SANBR: variants seen among roughly 807,000 people sequenced by gnomAD.
SANBR encodes the protein SANT and BTB domain regulator of class switch recombination.
Under a neutral mutation model 101.8 loss-of-function variants are expected in SANBR, and 77 were observed. That is an observed-to-expected ratio of 0.76 (90% CI 0.63 to 0.91). SANBR has a LOEUF of 0.91. Ranked by LOEUF, SANBR falls within the 40% of genes least tolerant of loss-of-function variation. The pLI is 0.00. For synonymous variants in SANBR, 279 were observed against 274.7 expected (o/e 1.02, Z -0.15); for missense variants, 875 against 853.0 (o/e 1.03, Z -0.32).
chr2:61,118,565 G>GTTT (rs1684190325), intron 20 of SANBR, among the ~76,000 whole-genome samples: 1 of 125,226 alleles, frequency 8.0e-6, no homozygotes, highest in Non-Finnish European at 1.7e-5. Flanking sequence ...GTTTTTTGTT[G>GTTT]GTTTTTTTTT....
chr2:61,072,358 G>C (rs1681518225), intron 4 of SANBR, among the ~76,000 whole-genome samples: 1 of 152,038 alleles, frequency 6.6e-6, no homozygotes, highest in African/African-American at 2.4e-5. Context: ...GATCACTTGA[G>C]GCCAGGAGTT....
chr2:61,129,121 G>T (rs189209458), downstream of SANBR, among the ~76,000 whole-genome samples: 4 of 152,244 alleles, frequency 2.6e-5, no homozygotes, highest in East Asian at 7.7e-4. Flanking sequence ...ATTGCTAGCA[G>T]ACCCACCTTA....
chr2:61,133,499 T>A (rs1377544689), intron 20 of SANBR, among the ~76,000 whole-genome samples: 1 of 152,084 alleles, frequency 6.6e-6, no homozygotes, highest in African/African-American at 2.4e-5. Flanking sequence ...ATGCCTGTAA[T>A]CCCAGCACTT....
chr2:61,109,895 C>T (rs934012062), intron 16 of SANBR, among the ~76,000 whole-genome samples: 7 of 151,832 alleles, frequency 4.6e-5, no homozygotes, highest in Non-Finnish European at 1.0e-4. Flanking sequence ...TCAGATGATC[C>T]ACCTGCCTCG....
At chr2:61,068,039 T>A (rs998099693) in intron 1 of SANBR, among the ~76,000 whole-genome samples, 1 of 152,212 alleles carries the variant, frequency 6.6e-6, no homozygotes, top group Non-Finnish European at 1.5e-5. Flanking sequence ...TTCTCGTTAA[T>A]TCAGTAAACA....
intron 1 of SANBR, among the ~76,000 whole-genome samples, chr2:61,067,976 G>C (rs1681267870): frequency 6.6e-6 from 1 of 152,206 alleles, no homozygotes; most frequent in African/African-American, 2.4e-5. Flanking sequence ...TGGACCTGCA[G>C]TTTGGAGTGA....
Position 61,083,333 on chromosome 2 carries a change from T to C in SANBR, c.890+19T>C. The C allele has an allele frequency of 7.2e-7, 1 of 1,393,040 alleles. No homozygotes were observed. Among genetic ancestry groups the C allele is most frequent in the East Asian group, 2.4e-5 (1 of 42,156 alleles). The allele number at this position is 1,393,040 out of a possible 1,614,324, so 86.3% of individuals were successfully genotyped here. ...TTAAAAGGTAATTTCAAAAGTTTAA[T>C]TTTAAACCTAATACTCCTGTTAAAA... On this transcript the variant is annotated intron_variant, in intron 8 of 21. Transcript: ENST00000402291.
intron 16 of SANBR, among the ~76,000 whole-genome samples, chr2:61,112,187 A>G (rs1391431869): frequency 6.6e-6 from 1 of 152,206 alleles, no homozygotes; most frequent in Non-Finnish European, 1.5e-5. Context: ...ACCACTGTGC[A>G]TTCCCACCAG....
rs751938430 is a variant in SANBR, at chr2:61,134,129, T to G, written c.2029-8T>G. ...CATAGGGTAGTGTTATTATCTGCTTTTTTACAGACAGACAAACTGAGACCC... is the reference window on the plus strand; with the variant it reads ...CATAGGGTAGTGTTATTATCTGCTTGTTTACAGACAGACAAACTGAGACCC... On this transcript the variant is annotated splice_region_variant and splice_polypyrimidine_tract_variant and intron_variant, in intron 20 of 21. Coordinates refer to the SANBR transcript ENST00000295031. 1.5e-5 allele frequency: 25 copies of G among 1,613,940 alleles called. No individual in the cohort carries two copies. In the Admixed American group the frequency reaches 4.2e-4, roughly 27 times the overall value.
chr2:61,079,236 T>C (rs1681957551), intron 6 of SANBR, among the ~76,000 whole-genome samples: 1 of 152,110 alleles, frequency 6.6e-6, no homozygotes, highest in Non-Finnish European at 1.5e-5. Context: ...AAAGGGGTCC[T>C]GAGATCAAAA....
At chr2:61,090,909 CTTTTT>C (rs747161495) in intron 10 of SANBR, among the ~76,000 whole-genome samples, 3 of 139,252 alleles carry the variant, frequency 2.2e-5, no homozygotes. Context: ...TTTAAAATTC[CTTTTT>C]TTTTTTTTTT....
At chr2:61,094,214 C>T (rs923018295) in intron 11 of SANBR, 3 of 239,184 alleles carry the variant, frequency 1.3e-5, no homozygotes, top group African/African-American at 7.0e-5. Flanking sequence ...TAACTACCTC[C>T]GCAATCAAAG....
intron 8 of SANBR, among the ~76,000 whole-genome samples, chr2:61,087,552 T>A (rs1002913603): frequency 2.0e-5 from 3 of 151,700 alleles, no homozygotes; most frequent in African/African-American, 7.3e-5. Flanking sequence ...AGACCCTGTC[T>A]CTAAAAAAAT....
At position 61,077,077 on chromosome 2, in the gene SANBR, G is replaced by A. The variant is rs753032037; in HGVS notation, c.589G>A (p.Asp197Asn). The change falls in exon 6 of 22, where the codon GAC becomes AAC. Residue 197 changes from aspartate to asparagine, a missense_variant. By Grantham distance (23) the Asp-to-Asn change is conservative. Coordinates refer to ENST00000402291, the MANE Select transcript of SANBR (RefSeq NM_001129993.3). ...WEEVDISVHC[D>N]VHIFNWLIKY... ...AGAGGTGGACATTTCAGTTCATTGC[G>A]ACGTTCACATTTTCAACTGGTTGAT... 18 of 1,613,966 alleles carry A rather than the reference G, an allele frequency of 1.1e-5. No homozygotes were observed. Among genetic ancestry groups the A allele is most frequent in the South Asian group, 8.8e-5 (8 of 91,080 alleles).
At chr2:61,075,518 C>G (rs1384279678) in intron 5 of SANBR, among the ~76,000 whole-genome samples, 1 of 152,204 alleles carries the variant, frequency 6.6e-6, no homozygotes, top group Non-Finnish European at 1.5e-5. Flanking sequence ...CTTGGCCTCC[C>G]AAAGTGCTGG....
rs774214431 is a variant in SANBR, at chr2:61,103,963, T to C, written c.1476T>C (p.Asp492=). 6.2e-7 allele frequency: 1 copy of C among 1,614,168 alleles called. No individual in the cohort carries two copies. Among genetic ancestry groups the C allele is most frequent in the Non-Finnish European group, 8.5e-7 (1 of 1,179,986 alleles). ...RMLDDLHKYR[D]VIVVPFSKDT... Reference sequence around the variant, plus strand: ...TGGACGATTTGCACAAGTACAGAGATGTCATTGTTGTGCCTTTTTCAAAAG... The same window carrying C: ...TGGACGATTTGCACAAGTACAGAGACGTCATTGTTGTGCCTTTTTCAAAAG... The change falls in exon 13 of 22, where the codon GAT becomes GAC. Residue 492 remains aspartate (D), a synonymous_variant. Coordinates refer to ENST00000402291, the MANE Select transcript of SANBR (RefSeq NM_001129993.3).
Position 61,092,500 on chromosome 2 carries a change from T to C in SANBR, c.1125T>C (p.Ser375=). Residue 375 remains serine (S), a synonymous_variant, in exon 11 of 22, where the codon AGT becomes AGC. Transcript: ENST00000402291. The part of the protein sequence containing the change: ...KTWDVHEYLN[S]LFEELKSWRD... The stretch of plus-strand genomic sequence containing the variant: ...GGGATGTTCATGAGTATTTGAATAG[T>C]CTTTTCGAAGAATTAAAATCTTGGA... 1.2e-6 allele frequency: 2 copies of C among 1,603,922 alleles called. No homozygotes were observed. The highest frequency in any genetic ancestry group is 1.7e-6 in the Non-Finnish European group (2 of 1,175,318).
In SANBR at chr2:61,132,193, T is replaced by G. The variant is rs137936906; in HGVS notation, c.2029-1944T>G. Among the ~76,000 whole-genome samples the G allele has an allele frequency of 1.6e-3, 241 of 152,328 alleles. 1 individual carries two copies. The highest frequency in any genetic ancestry group is 2.0e-3 in the Non-Finnish European group (135 of 68,034). ...AATTGGACACCAAAATTAAAAACTT[T>G]TATGCTTCAAAGAACATCAAGAAAG... On this transcript the variant is annotated intron_variant, in intron 20 of 21. Transcript: ENST00000295031.
intron 11 of SANBR, among the ~76,000 whole-genome samples, chr2:61,092,973 A>G (rs142724234): frequency 6.6e-6 from 1 of 152,166 alleles, no homozygotes; most frequent in East Asian, 1.9e-4. Context: ...CTCTAGTAAA[A>G]ATACGAAAAA....
Sources: gnomAD v4.1 joint callset for allele counts (sites outside exome capture counted in the v4.1 genomes callset) on GRCh38, gnomAD v4.1.1 for gene constraint, MANE v1.5 for transcripts, NCBI Gene and HGNC (gene_info 2026-07-23, HGNC 2026-07-21) for gene names.